Variants in TMEM8B observed in about 807,000 individuals in gnomAD.
TMEM8B encodes nasopharyngeal carcinoma expressed 6.
TMEM8B carries 29 observed loss-of-function variants against 49.3 expected under a neutral mutation model. That is an observed-to-expected ratio of 0.59 (90% CI 0.44 to 0.80). The LOEUF is 0.80. Among genes scored for constraint, TMEM8B ranks in the 30% least tolerant of loss-of-function variants. The pLI is 0.00. For missense variants in TMEM8B, 575 were observed against 658.5 expected (o/e 0.87, Z 1.39); for synonymous variants, 264 against 272.8 (o/e 0.97, Z 0.32).
chr9:35,830,488 A>T (rs965386271), intron 1 of TMEM8B, among the ~76,000 whole-genome samples: 2 of 152,226 alleles, frequency 1.3e-5, no homozygotes, highest in Non-Finnish European at 2.9e-5. Flanking sequence ...TTTGCCTAGG[A>T]ATAATTCCTG....
intron 10 of TMEM8B, among the ~76,000 whole-genome samples, chr9:35,848,997 G>A (rs1831896648): frequency 6.6e-6 from 1 of 152,130 alleles, no homozygotes; most frequent in Non-Finnish European, 1.5e-5. Context: ...TCTTAAATAA[G>A]GCAATAAGGA....
rs1832602747 is a variant in TMEM8B, at chr9:35,859,000, C to T, written c.*5160C>T. Reference sequence around the variant, plus strand: ...AAGGTTTGAGGTCATGACCACAGCACAACCTAGCCTATGCCAGCTGACAGG... The same window carrying T: ...AAGGTTTGAGGTCATGACCACAGCATAACCTAGCCTATGCCAGCTGACAGG... On this transcript the variant is annotated 3_prime_UTR_variant, in exon 13 of 13. Transcript: ENST00000643932. 6.5e-6 allele frequency: 1 copy of T among 152,698 alleles called. No individual in the cohort carries two copies. Among genetic ancestry groups the T allele is most frequent in the Non-Finnish European group, 1.5e-5 (1 of 68,086 alleles). 9.5% of individuals were successfully genotyped at this position (152,698 alleles called of 1,614,324 possible).
chr9:35,848,675 C>CTTTTTTTTTTTTTT (rs34593597), intron 10 of TMEM8B, among the ~76,000 whole-genome samples: 5 of 132,128 alleles, frequency 3.8e-5, no homozygotes, highest in Non-Finnish European at 4.8e-5. Flanking sequence ...TGTTTTTTTT[C>CTTTTTTTTTTTTTT]TTTTTTTTTT....
chr9:35,837,927 A>C (rs1830596507), intron 3 of TMEM8B, among the ~76,000 whole-genome samples: 1 of 152,124 alleles, frequency 6.6e-6, no homozygotes, highest in Non-Finnish European at 1.5e-5. Flanking sequence ...ATGAGGGGAA[A>C]GTACTCCCAA....
rs1011065923 is a variant in TMEM8B, at chr9:35,853,965, A to T, written c.*125A>T. On this transcript the variant is annotated 3_prime_UTR_variant, in exon 13 of 13. Transcript: ENST00000643932. This position sits in a 1 kb window ranked among gnomAD's most constrained non-coding sequence, Gnocchi z 4.2. ...AGGACATGGAGTCTTTCTCAAGGAC[A>T]CAAAACTCTTCCAGGGACCTGGAGC... The T allele has an allele frequency of 5.8e-6, 8 of 1,383,128 alleles. No homozygotes were observed. In the Admixed American group the frequency reaches 1.6e-4, roughly 27 times the overall value. The allele number at this position is 1,383,128 out of a possible 1,614,324, so 85.7% of individuals were successfully genotyped here. A position where few individuals can be genotyped will look rare whatever the true frequency, so the allele number is the denominator to read the frequency against.
At chr9:35,833,345 T>A (rs1288137116) in intron 1 of TMEM8B, 1 of 985,162 alleles carries the variant, frequency 1.0e-6, no homozygotes, top group Non-Finnish European at 1.2e-6. Context: ...GGAGGTGTCA[T>A]CTTGGGCTTC....
intron 3 of TMEM8B, among the ~76,000 whole-genome samples, chr9:35,835,615 A>G (rs1472347474): frequency 6.6e-6 from 1 of 152,264 alleles, no homozygotes; most frequent in South Asian, 2.1e-4. Context: ...TTGATTGACA[A>G]TAGCCCTGAA....
In TMEM8B at chr9:35,862,833, T is replaced by A. The variant is rs1461687794; in HGVS notation, c.*8993T>A. 1 of 152,204 alleles carries A rather than the reference T, an allele frequency of 6.6e-6. No homozygotes were observed. The highest frequency in any genetic ancestry group is 2.4e-5 in the African/African-American group (1 of 41,446). The allele number at this position is 152,204 out of a possible 1,614,324, so 9.4% of individuals were successfully genotyped here. A position where few individuals can be genotyped will look rare whatever the true frequency, so the allele number is the denominator to read the frequency against. On this transcript the variant is annotated 3_prime_UTR_variant, in exon 13 of 13. Coordinates refer to ENST00000643932, the MANE Select transcript of TMEM8B (RefSeq NM_001042590.4). The stretch of plus-strand genomic sequence containing the variant: ...GGTTAAGTTCATTCTGCCTTCATTA[T>A]AGTTCATTTTTCTTGTATATCTCTC...
chr9:35,861,387 C>T lies in TMEM8B; in HGVS notation c.*7547C>T, dbSNP rs1832651919. The T allele has an allele frequency of 6.5e-6, 1 of 153,036 alleles. No homozygotes were observed. Among genetic ancestry groups the T allele is most frequent in the South Asian group, 2.1e-4 (1 of 4,848 alleles). 9.5% of individuals were successfully genotyped at this position (153,036 alleles called of 1,614,324 possible). A position where few individuals can be genotyped will look rare whatever the true frequency, so the allele number is the denominator to read the frequency against. ...TCCAGAGCCCAGCACTGCTCCATCT[C>T]TTTTCCTCCCTCTCCTTCCCCTTGC... On this transcript the variant is annotated 3_prime_UTR_variant, in exon 13 of 13. Transcript: ENST00000643932.
chr9:35,834,193 A>C (rs989628645), intron 1 of TMEM8B, among the ~76,000 whole-genome samples: 7 of 152,096 alleles, frequency 4.6e-5, no homozygotes, highest in African/African-American at 1.7e-4. Context: ...TTGCATCCTC[A>C]GTTTGGTCTA....
Position 35,853,964 on chromosome 9 carries a change from C to T in TMEM8B, c.*124C>T. The T allele has an allele frequency of 7.2e-7, 1 of 1,383,904 alleles. No individual in the cohort carries two copies. Among genetic ancestry groups the T allele is most frequent in the South Asian group, 1.8e-5 (1 of 54,196 alleles). The allele number at this position is 1,383,904 out of a possible 1,614,324, so 85.7% of individuals were successfully genotyped here. A position where few individuals can be genotyped will look rare whatever the true frequency, so the allele number is the denominator to read the frequency against. On this transcript the variant is annotated 3_prime_UTR_variant, in exon 13 of 13. Coordinates refer to ENST00000643932, the MANE Select transcript of TMEM8B (RefSeq NM_001042590.4). This position sits in a 1 kb window ranked among gnomAD's most constrained non-coding sequence, Gnocchi z 4.2. The stretch of plus-strand genomic sequence containing the variant: ...GAGGACATGGAGTCTTTCTCAAGGA[C>T]ACAAAACTCTTCCAGGGACCTGGAG...
Position 35,842,768 on chromosome 9 carries a change from GA to G in TMEM8B, c.1635+53del. 1 of 1,545,192 alleles carries G rather than the reference GA, an allele frequency of 6.5e-7. No individual in the cohort carries two copies. The highest frequency in any genetic ancestry group is 8.7e-7 in the Non-Finnish European group (1 of 1,143,196). ...TTGCTCTGCCAGGGAGCTTGAAGGG[GA>G]AGGTGTCAGGGGTGTTGGGGTGTTT... On this transcript the variant is annotated intron_variant, in intron 6 of 12. Transcript: ENST00000643932. The surrounding 1 kb of genome is among the most constrained non-coding windows in gnomAD (Gnocchi z 5.6).
Position 35,829,568 on chromosome 9 carries a change from C to T in TMEM8B, c.121C>T (p.Pro41Ser), listed in dbSNP as rs1401856554. ...QPLPGSPSRT[P>S]FQSLPLAWPP... Reference sequence around the variant, plus strand: ...CCTGCCTGGGTCCCCATCCAGGACCCCCTTCCAGTCTCTGCCCCTGGCCTG... The same window carrying T: ...CCTGCCTGGGTCCCCATCCAGGACCTCCTTCCAGTCTCTGCCCCTGGCCTG... The change falls in exon 1 of 13, where the codon CCC (proline) becomes TCC (serine). Residue 41 changes from proline to serine, a missense_variant. Physicochemically the swap from Pro to Ser is moderately conservative, Grantham distance 74. Transcript: ENST00000643932. 2.5e-6 allele frequency: 1 copy of T among 399,418 alleles called. No homozygotes were observed. Among genetic ancestry groups the T allele is most frequent in the Non-Finnish European group, 4.4e-6 (1 of 226,514 alleles). The allele number at this position is 399,418 out of a possible 1,614,324, so 24.7% of individuals were successfully genotyped here.
rs935706726 is a variant in TMEM8B, at chr9:35,857,336, C to G, written c.*3496C>G. On this transcript the variant is annotated 3_prime_UTR_variant, in exon 13 of 13. Transcript: ENST00000643932. ...ATGGGACAAGTGTGAAGTGGAAGAT[C>G]CTGACAAAGTGCTGTAGGATGTAAA... 4 of 152,196 alleles carry G rather than the reference C, an allele frequency of 2.6e-5. No individual in the cohort carries two copies. Among genetic ancestry groups the G allele is most frequent in the African/African-American group, 9.7e-5 (4 of 41,438 alleles). 9.4% of individuals were successfully genotyped at this position (152,196 alleles called of 1,614,324 possible). A position where few individuals can be genotyped will look rare whatever the true frequency, so the allele number is the denominator to read the frequency against.
In TMEM8B at chr9:35,839,997, G is replaced by A. The variant is rs1327336105; in HGVS notation, c.907-1137G>A. On this transcript the variant is annotated intron_variant, in intron 3 of 12. Coordinates refer to ENST00000643932, the MANE Select transcript of TMEM8B (RefSeq NM_001042590.4). ...TGTTCTGAGCCATGGAACTCAGTGG[G>A]ATGTCAGGGCCTGGAACTTTTGTCC... is the stretch of plus-strand genomic sequence containing the variant. Among the ~76,000 whole-genome samples, 4 of 152,194 alleles carry A rather than the reference G, an allele frequency of 2.6e-5. 1 individual carries two copies. Among genetic ancestry groups the A allele is most frequent in the African/African-American group, 9.7e-5 (4 of 41,434 alleles).
intron 7 of TMEM8B, 40 bp downstream of exon 7, chr9:35,846,108 G>T (rs765937970): frequency 3.1e-6 from 5 of 1,611,954 alleles, no homozygotes; most frequent in Admixed American, 3.3e-5. Context: ...GCTGCAGTGT[G>T]GGGGTGGTGG....
Position 35,841,502 on chromosome 9 carries a change from A to G in TMEM8B, c.1041-24A>G. The G allele has an allele frequency of 2.4e-6, 1 of 415,270 alleles. No homozygotes were observed. Among genetic ancestry groups the G allele is most frequent in the Non-Finnish European group, 4.4e-6 (1 of 227,016 alleles). 25.7% of individuals were successfully genotyped at this position (415,270 alleles called of 1,614,324 possible). A position where few individuals can be genotyped will look rare whatever the true frequency, so the allele number is the denominator to read the frequency against. ...CTCTCGCCTCTGTTTGTGCCTTCTT[A>G]CCCCCAACCTCTCCTCTGCCCAGGG... On this transcript the variant is annotated intron_variant, in intron 4 of 12. Coordinates refer to ENST00000643932, the MANE Select transcript of TMEM8B (RefSeq NM_001042590.4). This position sits in a 1 kb window ranked among gnomAD's most constrained non-coding sequence, Gnocchi z 5.9.
In TMEM8B at chr9:35,853,017, C is replaced by T. The variant is rs1239716303; in HGVS notation, c.2322+44C>T. 3 of 1,613,356 alleles carry T rather than the reference C, an allele frequency of 1.9e-6. No homozygotes were observed. The highest frequency in any genetic ancestry group is 2.5e-6 in the Non-Finnish European group (3 of 1,179,454). ...CTGGGGAACAACCATGGCCAAGTCT[C>T]CTTGAAATCCACTCCTGACCTCTCC... On this transcript the variant is annotated intron_variant, in intron 11 of 12. Coordinates refer to ENST00000643932, the MANE Select transcript of TMEM8B (RefSeq NM_001042590.4). The surrounding 1 kb of genome is among the most constrained non-coding windows in gnomAD (Gnocchi z 4.2).
chr9:35,844,227 G>A (rs550228310), intron 6 of TMEM8B, among the ~76,000 whole-genome samples: 212 of 152,322 alleles, frequency 1.4e-3, no homozygotes, highest in Admixed American at 2.3e-3. Context: ...CCTCCTTGAG[G>A]TATTGCCTAA....
Sources: allele counts gnomAD v4.1 joint callset (sites outside exome capture counted in the v4.1 genomes callset), GRCh38; gene constraint gnomAD v4.1.1; non-coding constraint Gnocchi (gnomAD v3.1); transcripts MANE v1.5; gene names NCBI Gene and HGNC (gene_info 2026-07-23, HGNC 2026-07-21).